The following AGBL4 variants were observed in gnomAD, a reference collection of about 807,000 sequenced individuals.
AGBL4 encodes the protein cytosolic carboxypeptidase 6.
A neutral mutation model predicts 66.4 loss-of-function variants in AGBL4; 58 were observed. The observed-to-expected ratio is 0.87, with a 90% confidence interval of 0.71 to 1.09. AGBL4 has a LOEUF of 1.09. Ranked by LOEUF, AGBL4 falls within the 50% of genes least tolerant of loss-of-function variation. The pLI is 0.00. For synonymous variants in AGBL4, 234 were observed against 222.9 expected (o/e 1.05, Z -0.44); for missense variants, 579 against 631.0 (o/e 0.92, Z 0.88).
intron 2 of AGBL4, among the ~76,000 whole-genome samples, chr1:49,751,523 A>G (rs1267212419): frequency 2.0e-5 from 3 of 152,224 alleles, no homozygotes; most frequent in Non-Finnish European, 2.9e-5. Flanking sequence ...ATTCATCAGG[A>G]ATATTGGTCT....
intron 9 of AGBL4, among the ~76,000 whole-genome samples, chr1:48,625,718 T>G (rs1301874639): frequency 1.3e-5 from 2 of 152,148 alleles, no homozygotes; most frequent in African/African-American, 4.8e-5. Flanking sequence ...AAGTAATATG[T>G]ATCTAGTCAG....
intron 2 of AGBL4, among the ~76,000 whole-genome samples, chr1:49,733,349 C>A (rs1395339678): frequency 6.6e-6 from 1 of 152,152 alleles, no homozygotes; most frequent in East Asian, 1.9e-4. Flanking sequence ...AAACGAAGAA[C>A]AACAGAAATG....
At chr1:48,956,974 A>G (rs1376297048) in intron 5 of AGBL4, among the ~76,000 whole-genome samples, 2 of 152,232 alleles carry the variant, frequency 1.3e-5, no homozygotes, top group Non-Finnish European at 2.9e-5. Flanking sequence ...ATAGACTAAC[A>G]TAATGAATGG....
At chr1:49,706,695 T>A (rs1325596396) in intron 2 of AGBL4, among the ~76,000 whole-genome samples, 1 of 152,194 alleles carries the variant, frequency 6.6e-6, no homozygotes, top group Non-Finnish European at 1.5e-5. Context: ...GTGCTATAAA[T>A]TTCCCTCTAA....
At chr1:48,788,653 C>G (rs1477688842) in intron 6 of AGBL4, among the ~76,000 whole-genome samples, 2 of 152,176 alleles carry the variant, frequency 1.3e-5, no homozygotes, top group Non-Finnish European at 2.9e-5. Context: ...CTCTTTTTGT[C>G]TCCTTGCATG....
At chr1:49,926,404 AAAGCC>A (rs1350093891) in intron 1 of AGBL4, among the ~76,000 whole-genome samples, 5 of 152,214 alleles carry the variant, frequency 3.3e-5, no homozygotes, top group Admixed American at 3.3e-4. Context: ...GAATACCTGA[AAAGCC>A]TTCCCAAAAA....
At chr1:49,421,316 A>G (rs997790751) in intron 3 of AGBL4, among the ~76,000 whole-genome samples, 3 of 152,012 alleles carry the variant, frequency 2.0e-5, no homozygotes, top group African/African-American at 7.2e-5. Flanking sequence ...CAGGAATGAA[A>G]AATGACTCTG....
Position 48,593,634 on chromosome 1 carries a change from C to T in AGBL4, c.952-2649G>A, listed in dbSNP as rs1042944232. 2.0e-5 allele frequency among the ~76,000 whole-genome samples: 3 copies of T among 152,116 alleles called. No individual in the cohort carries two copies. In the East Asian group the frequency reaches 5.8e-4, roughly 29 times the overall value. Reference sequence around the variant, plus strand: ...GGCAGGGTGGTGGGTGCCTATAATCCCAGCTACTCAGGAGGCTGAGGCAGG... The same window carrying T: ...GGCAGGGTGGTGGGTGCCTATAATCTCAGCTACTCAGGAGGCTGAGGCAGG... On this transcript the variant is annotated intron_variant, in intron 9 of 13. Coordinates refer to ENST00000371839, the MANE Select transcript of AGBL4 (RefSeq NM_032785.4).
intron 4 of AGBL4, among the ~76,000 whole-genome samples, chr1:49,147,489 G>A (rs970002410): frequency 2.0e-5 from 3 of 152,048 alleles, no homozygotes; most frequent in African/African-American, 4.8e-5. Context: ...TCTCATCCCC[G>A]TTTTATACTG....
intron 6 of AGBL4, among the ~76,000 whole-genome samples, chr1:48,683,792 G>A (rs1356494841): frequency 1.3e-5 from 2 of 152,174 alleles, no homozygotes; most frequent in East Asian, 3.8e-4. Context: ...TGGAGCATTA[G>A]CTCTGTAATT....
intron 3 of AGBL4, among the ~76,000 whole-genome samples, chr1:49,374,694 C>T (rs1291721044): frequency 6.6e-6 from 1 of 152,030 alleles, no homozygotes; most frequent in Non-Finnish European, 1.5e-5. Flanking sequence ...ATATCCCCAC[C>T]AGCCACTAGA....
chr1:48,560,446 A>G (rs1441358649), intron 11 of AGBL4, among the ~76,000 whole-genome samples: 1 of 152,192 alleles, frequency 6.6e-6, no homozygotes, highest in African/African-American at 2.4e-5. Context: ...GTGAGGTTAT[A>G]GAAGGCCAGT....
intron 11 of AGBL4, among the ~76,000 whole-genome samples, chr1:48,555,799 TGAG>T (rs1340476258): frequency 6.6e-6 from 1 of 151,994 alleles, no homozygotes; most frequent in African/African-American, 2.4e-5. Context: ...AGGGGAGTTG[TGAG>T]GAGGACAAAG....
intron 6 of AGBL4, among the ~76,000 whole-genome samples, chr1:48,696,896 C>T (rs996861964): frequency 5.3e-5 from 8 of 152,146 alleles, no homozygotes; most frequent in African/African-American, 1.7e-4. Flanking sequence ...CTTCCTTCTC[C>T]GTGGCCCCTC....
intron 1 of AGBL4, among the ~76,000 whole-genome samples, chr1:49,877,707 T>C (rs1647062672): frequency 6.6e-6 from 1 of 151,846 alleles, no homozygotes; most frequent in African/African-American, 2.4e-5. Flanking sequence ...TCTTTTTCTA[T>C]TGATTGGAAT....
rs1648989514 is a variant in AGBL4 at position 48,736,055 on chromosome 1, T to C, written c.635-72814A>G. On this transcript the variant is annotated intron_variant, in intron 6 of 13. Coordinates refer to ENST00000371839, the MANE Select transcript of AGBL4 (RefSeq NM_032785.4). The surrounding 1 kb of genome is among the most constrained non-coding windows in gnomAD (Gnocchi z 4.0). The stretch of plus-strand genomic sequence containing the variant: ...TAATCGTACTTGTGTCCACAGCTCA[T>C]CTGCCCTGGTAAATGTGAGCTCTTC... Among the ~76,000 whole-genome samples the C allele has an allele frequency of 1.3e-5, 2 of 152,238 alleles. No homozygotes were observed. Among genetic ancestry groups the C allele is most frequent in the African/African-American group, 2.4e-5 (1 of 41,468 alleles).
chr1:49,950,471 G>C (rs1225989526), intron 1 of AGBL4, among the ~76,000 whole-genome samples: 1 of 151,264 alleles, frequency 6.6e-6, no homozygotes, highest in African/African-American at 2.4e-5. Context: ...CTGCTCAGGT[G>C]GTGGGTGCAC....
intron 6 of AGBL4, among the ~76,000 whole-genome samples, chr1:48,782,466 G>T (rs376981368): frequency 1.3e-5 from 2 of 152,258 alleles, no homozygotes; most frequent in African/African-American, 4.8e-5. Flanking sequence ...GGAGACCTGG[G>T]TTTTGTAAAT....
chr1:48,887,374 T>C (rs1450700906), intron 5 of AGBL4, among the ~76,000 whole-genome samples: 3 of 152,142 alleles, frequency 2.0e-5, no homozygotes, highest in African/African-American at 7.2e-5. Flanking sequence ...CCCTTGGCCA[T>C]GTCAGAAGCT....
Sources: gnomAD v4.1 joint callset for allele counts (sites outside exome capture counted in the v4.1 genomes callset) on GRCh38, gnomAD v4.1.1 for gene constraint, Gnocchi (gnomAD v3.1) non-coding constraint, MANE v1.5 for transcripts, NCBI Gene and HGNC (gene_info 2026-07-23, HGNC 2026-07-21) for gene names.